The following PALS2 variants were observed in gnomAD, a reference collection of about 807,000 sequenced individuals.
The protein encoded by PALS2 is protein PALS2.
In PALS2, 27 loss-of-function variants were observed where a neutral mutation model predicts 61.6. The observed-to-expected ratio is 0.44, with a 90% CI of 0.32 to 0.60. The LOEUF is 0.60. Among genes scored for constraint, PALS2 ranks in the 20% least tolerant of loss-of-function variants. The pLI is 0.05. For missense variants in PALS2, 554 were observed against 639.4 expected, an observed-to-expected ratio of 0.87 and a Z score of 1.44; for synonymous variants, 236 against 218.6, an observed-to-expected ratio of 1.08 and a Z score of -0.70.
intron 2 of PALS2, among the ~76,000 whole-genome samples, chr7:24,626,124 GA>G (rs759948488): frequency 4.0e-5 from 6 of 151,732 alleles, no homozygotes; most frequent in South Asian, 4.2e-4. Flanking sequence ...GAAGAAAAGG[GA>G]AAAAAACATG....
At position 24,624,100 on chromosome 7, in the gene PALS2, A is replaced by G. The variant is rs900262978; in HGVS notation, c.117+316A>G. On this transcript the variant is annotated intron_variant, in intron 2 of 11. Transcript: ENST00000222644. ...GATCCTGATCCTATTTCCATTTTCA[A>G]CAATGGCAAAGTACTGATTTTCTTC... 6 of 1,319,476 alleles carry G rather than the reference A, an allele frequency of 4.5e-6. No individual in the cohort carries two copies. In the African/African-American group the frequency reaches 7.5e-5, roughly 16 times the overall value. 81.7% of individuals were successfully genotyped at this position (1,319,476 alleles called of 1,614,324 possible).
chr7:24,574,585 T>G (rs557451504), intron 1 of PALS2, among the ~76,000 whole-genome samples: 56 of 152,278 alleles, frequency 3.7e-4, no homozygotes, highest in African/African-American at 1.3e-3. Flanking sequence ...CAGAAAATTC[T>G]CCGCATTACT....
rs1788321908 is a variant in PALS2 at position 24,688,635 on chromosome 7, C to A, written c.*1021C>A. ...GTGATCCTTAGGGTACCTGTTTTGT[C>A]TGTTGTGTTGAGAACCAAACCCATT... On this transcript the variant is annotated 3_prime_UTR_variant, in exon 12 of 12. Coordinates refer to ENST00000222644, the MANE Select transcript of PALS2 (RefSeq NM_001303037.2). 6.6e-6 allele frequency: 1 copy of A among 151,542 alleles called. No individual in the cohort carries two copies. Among genetic ancestry groups the A allele is most frequent in the African/African-American group, 2.4e-5 (1 of 41,188 alleles). 9.4% of individuals were successfully genotyped at this position (151,542 alleles called of 1,614,324 possible).
intron 6 of PALS2, 106 bp downstream of exon 6, chr7:24,663,827 T>G: frequency 7.4e-7 from 1 of 1,356,320 alleles, no homozygotes; most frequent in South Asian, 1.3e-5. Flanking sequence ...TTACAATGAT[T>G]TTTCCCACAT....
intron 9 of PALS2, among the ~76,000 whole-genome samples, chr7:24,674,040 T>C (rs558946880): frequency 1.1e-4 from 17 of 152,236 alleles, no homozygotes; most frequent in African/African-American, 3.9e-4. Context: ...TACATGTCTC[T>C]GTAGATGGCT....
chr7:24,650,032 T>C (rs1786058624), intron 4 of PALS2, among the ~76,000 whole-genome samples: 1 of 152,176 alleles, frequency 6.6e-6, no homozygotes, highest in East Asian at 1.9e-4. Flanking sequence ...TGTTTCTTCC[T>C]ACCCTTTGAA....
intron 1 of PALS2, among the ~76,000 whole-genome samples, chr7:24,602,505 G>A (rs1258503452): frequency 6.6e-6 from 1 of 152,034 alleles, no homozygotes; most frequent in Non-Finnish European, 1.5e-5. Flanking sequence ...CTTGTTGACT[G>A]GTCATATTCT....
chr7:24,663,410 G>C, intron 5 of PALS2, 180 bp from the exon 6 acceptor site: 1 of 497,156 alleles, frequency 2.0e-6, no homozygotes, highest in East Asian at 4.0e-5. Flanking sequence ...TTATCTTTCT[G>C]ATACCAAAAT....
rs1240605798 is a variant in PALS2, at chr7:24,691,548, C to G, written c.*3934C>G. 6.6e-6 allele frequency: 1 copy of G among 150,642 alleles called. No homozygotes were observed. The highest frequency in any genetic ancestry group is 6.6e-5 in the Admixed American group (1 of 15,126). 9.3% of individuals were successfully genotyped at this position (150,642 alleles called of 1,614,324 possible). ...ACTAGCATTCTAAAATTTTTAATTA[C>G]TCCCATTTCTTTGACATTCTGAAAC... On this transcript the variant is annotated 3_prime_UTR_variant, in exon 12 of 12. Transcript: ENST00000222644.
chr7:24,667,585 A>G (rs989616636), intron 8 of PALS2, among the ~76,000 whole-genome samples: 1 of 151,978 alleles, frequency 6.6e-6, no homozygotes, highest in East Asian at 1.9e-4. Flanking sequence ...GCAAATTGAT[A>G]ATAAGTTTCA....
At chr7:24,585,456 G>A (rs1183943061) in intron 1 of PALS2, among the ~76,000 whole-genome samples, 1 of 151,904 alleles carries the variant, frequency 6.6e-6, no homozygotes, top group East Asian at 1.9e-4. Flanking sequence ...TCCAACTTCT[G>A]TCCTAGAGAT....
intron 1 of PALS2, among the ~76,000 whole-genome samples, chr7:24,617,251 CTT>C: frequency 6.6e-6 from 1 of 152,164 alleles, no homozygotes; most frequent in South Asian, 2.1e-4. Flanking sequence ...ATATCTCTCT[CTT>C]TTTGAATTTC....
chr7:24,592,023 T>C (rs1783307200), intron 1 of PALS2, among the ~76,000 whole-genome samples: 1 of 151,878 alleles, frequency 6.6e-6, no homozygotes. Context: ...AAAAGGATAC[T>C]TGTTTTTAGT....
intron 1 of PALS2, among the ~76,000 whole-genome samples, chr7:24,577,747 C>G (rs368912967): frequency 6.6e-6 from 1 of 152,098 alleles, no homozygotes; most frequent in Non-Finnish European, 1.5e-5. Flanking sequence ...CAAATATCAT[C>G]TTTTCAGACA....
At chr7:24,599,040 C>T (rs867756492) in intron 1 of PALS2, among the ~76,000 whole-genome samples, 4 of 152,214 alleles carry the variant, frequency 2.6e-5, no homozygotes, top group Admixed American at 6.5e-5. Context: ...AAAATACAGT[C>T]GTGCATCACT....
At chr7:24,574,254 C>T (rs960821062) in intron 1 of PALS2, 2 of 152,290 alleles carry the variant, frequency 1.3e-5, no homozygotes, top group African/African-American at 4.8e-5. Context: ...GCGTTCGCTG[C>T]TGAGATCGTG....
chr7:24,657,231 G>T (rs573527990), intron 5 of PALS2, among the ~76,000 whole-genome samples: 1 of 152,228 alleles, frequency 6.6e-6, no homozygotes, highest in East Asian at 1.9e-4. Flanking sequence ...TATATACCAG[G>T]GGTTGAAGGA....
At chr7:24,686,166 G>A (rs1267332574) in intron 11 of PALS2, among the ~76,000 whole-genome samples, 1 of 151,974 alleles carries the variant, frequency 6.6e-6, no homozygotes, top group African/African-American at 2.4e-5. Context: ...TTCAAATCCT[G>A]GATGATGTAA....
At chr7:24,623,548 A>G (rs777809106) in intron 1 of PALS2, 118 bp from the exon 2 acceptor site, 2 of 588,186 alleles carry the variant, frequency 3.4e-6, no homozygotes, top group Non-Finnish European at 5.9e-6. Flanking sequence ...TTTTCCAAAG[A>G]GTATTCTTAA....
Sources: allele counts gnomAD v4.1 joint callset (sites outside exome capture counted in the v4.1 genomes callset), GRCh38; gene constraint gnomAD v4.1.1; transcripts MANE v1.5; gene names NCBI Gene and HGNC (gene_info 2026-07-23, HGNC 2026-07-21).